Variants in MUC4 observed in about 807,000 individuals in gnomAD.
MUC4 encodes mucin-4.
A neutral mutation model predicts 257.9 loss-of-function variants in MUC4; 202 were observed. The observed-to-expected ratio is 0.78, with a 90% confidence interval of 0.70 to 0.88. The LOEUF (loss-of-function observed/expected upper bound fraction) is 0.88, where lower values mean the gene tolerates loss of function less well. Among genes scored for constraint, MUC4 ranks in the 40% least tolerant of loss-of-function variants. The pLI is 0.00. For missense variants in MUC4, 5,976 were observed against 6,513.7 expected (o/e 0.92, Z 2.84); for synonymous variants, 2,351 against 2,757.1 (o/e 0.85, Z 4.62).
At chr3:195,764,276 GGCAGGGCAGGGCGGTGTTGGTGGAGAGC>G in intron 10 of MUC4, 112 bp from the exon 11 acceptor site, 1 of 1,202,944 alleles carries the variant, frequency 8.3e-7, no homozygotes, top group Non-Finnish European at 1.2e-6. Context: ...TGGAGAGCTT[GGCAGGGCAGGGCGGTGTTGGTGGAGAGC>G]TTGGCAGGGC....
Position 195,782,630 on chromosome 3 carries a change from A to C in MUC4, c.8950T>G (p.Ser2984Ala). 1 of 907,764 alleles carries C rather than the reference A, an allele frequency of 1.1e-6. No homozygotes were observed. The highest frequency in any genetic ancestry group is 4.5e-5 in the East Asian group (1 of 22,020). 56.2% of individuals were successfully genotyped at this position (907,764 alleles called of 1,614,324 possible). A position where few individuals can be genotyped will look rare whatever the true frequency, so the allele number is the denominator to read the frequency against. ...ATPLPDTDTS[S>A]ASTGHATLLP... ...AGGGTGGCGTGACCTGTGGATGCTG[A>C]GGAAGTGTCGGTGTCAGGAAGAGGG... Residue 2984 changes from serine to alanine, a missense_variant, in exon 2 of 25, where the codon TCA (serine) becomes GCA (alanine). By Grantham distance (99) the Ser-to-Ala change is moderately conservative (BLOSUM62 1). Coordinates refer to ENST00000463781, the MANE Select transcript of MUC4 (RefSeq NM_018406.7).
intron 1 of MUC4, among the ~76,000 whole-genome samples, chr3:195,800,553 C>T (rs1024048404): frequency 6.6e-6 from 1 of 152,146 alleles, no homozygotes; most frequent in Non-Finnish European, 1.5e-5. Context: ...CTTTCACCAT[C>T]ATTTAAACAA....
Position 195,811,909 on chromosome 3 carries a change from C to T in MUC4, c.-92G>A, listed in dbSNP as rs976742288. 63 of 1,294,766 alleles carry T rather than the reference C, an allele frequency of 4.9e-5. No individual in the cohort carries two copies. In the African/African-American group the frequency reaches 5.4e-4, roughly 11 times the overall value. The allele number at this position is 1,294,766 out of a possible 1,614,324, so 80.2% of individuals were successfully genotyped here. On this transcript the variant is annotated 5_prime_UTR_variant, in exon 1 of 25. Coordinates refer to ENST00000463781, the MANE Select transcript of MUC4 (RefSeq NM_018406.7). ...GCAGACGTGAGCCCGTCCCCTCAGG[C>T]GGCTGGCCCGAACCAAGTGCGTTTC...
rs2432527 is a variant in MUC4 at position 195,779,166 on chromosome 3, G to C, written c.12414C>G (p.Ser4138=). 1 of 1,000,564 alleles carries C rather than the reference G, an allele frequency of 1.0e-6. No homozygotes were observed. The highest frequency in any genetic ancestry group is 1.3e-6 in the Non-Finnish European group (1 of 782,256). 62.0% of individuals were successfully genotyped at this position (1,000,564 alleles called of 1,614,324 possible). A position where few individuals can be genotyped will look rare whatever the true frequency, so the allele number is the denominator to read the frequency against. ...PLPVTSLSSV[S]TGDTTPLPVT... is the part of the protein sequence containing the mutation. ...CAGGAAGAGGCGTGGTGTCACCTGT[G>C]GATACTGAGGAAAGGCTGGTGACAG... Residue 4138 remains serine (S), a synonymous_variant, in exon 2 of 25, where the codon TCC becomes TCG. Coordinates refer to ENST00000463781, the MANE Select transcript of MUC4 (RefSeq NM_018406.7).
At chr3:195,811,145 ATATTTATTTATT>A (rs71885309) in intron 1 of MUC4, among the ~76,000 whole-genome samples, 85,965 of 135,996 alleles carry the variant, frequency 0.63, 26,916 homozygotes, top group East Asian at 0.73. Context: ...ATTTTATTTT[ATATTTATTTATT>A]TATTTATTTA....
In MUC4 at chr3:195,782,771, C is replaced by T. The variant is rs753261921; in HGVS notation, c.8809G>A (p.Val2937Ile). The T allele has an allele frequency of 2.0e-6, 3 of 1,504,124 alleles. No individual in the cohort carries two copies. The highest frequency in any genetic ancestry group is 1.3e-5 in the South Asian group (1 of 79,498). The allele number at this position is 1,504,124 out of a possible 1,614,324, so 93.2% of individuals were successfully genotyped here. A position where few individuals can be genotyped will look rare whatever the true frequency, so the allele number is the denominator to read the frequency against. ...AGAGGGGTGGTGTCACCTGTGGATA[C>T]TGAGGAAAGGCTGGTGACAGGAAGA... The part of the protein sequence containing the change: ...TPLPVTSLSS[V>I]STGDTTPLPV... The change falls in exon 2 of 25, where the codon GTA (valine) becomes ATA (isoleucine). Residue 2937 changes from valine to isoleucine, a missense_variant. Around this residue, in one of 44 missense-constraint regions of MUC4, gnomAD observed 228 missense variants for 206.3 expected, o/e 1.11. Transcript: ENST00000463781.
intron 3 of MUC4, among the ~76,000 whole-genome samples, chr3:195,774,946 GAGTAACTGCAA>G (rs1393776603): frequency 6.7e-6 from 1 of 148,936 alleles, no homozygotes; most frequent in Non-Finnish European, 1.5e-5. Context: ...CAATGAAGAT[GAGTAACTGCAA>G]AGCCCTTTTC....
intron 1 of MUC4, among the ~76,000 whole-genome samples, chr3:195,795,873 G>T (rs1010114666): frequency 6.8e-6 from 1 of 146,424 alleles, no homozygotes; most frequent in African/African-American, 2.6e-5. Context: ...GAGAGAGAGA[G>T]ACAGAAAAGA....
At chr3:195,809,814 G>C (rs1470702695) in intron 1 of MUC4, 5 of 152,344 alleles carry the variant, frequency 3.3e-5, no homozygotes, top group Non-Finnish European at 7.3e-5. Flanking sequence ...AAGAACTTGG[G>C]CGTCAGGAGG....
chr3:195,779,037 G>T lies in MUC4; in HGVS notation c.12543C>A (p.Ser4181Arg). The change falls in exon 2 of 25, where the codon AGC (serine) becomes AGA (arginine). Residue 4181 changes from serine (S) to arginine (R), a missense_variant. This residue lies in a region of MUC4 where 293 missense variants were observed against 294.5 expected (regional missense o/e 1.00). Coordinates refer to ENST00000463781, the MANE Select transcript of MUC4 (RefSeq NM_018406.7). ...TGTCACCTGTGGATGCTGAGGAAGT[G>T]CTGGTGACAGGAAGAGGGGTGCCGT... ...TGHGTPLPVT[S>R]TSSASTGDTT... The T allele has an allele frequency of 7.6e-7, 1 of 1,320,554 alleles. No individual in the cohort carries two copies. The highest frequency in any genetic ancestry group is 1.0e-6 in the Non-Finnish European group (1 of 1,002,596). The allele number at this position is 1,320,554 out of a possible 1,614,324, so 81.8% of individuals were successfully genotyped here.
rs541081903 is a variant in MUC4, at chr3:195,786,287, C to A, written c.5293G>T (p.Asp1765Tyr). Residue 1765 changes from aspartate (D) to tyrosine (Y), a missense_variant, in exon 2 of 25, where the codon GAC becomes TAC. Asp to Tyr is a radical substitution (Grantham distance 160). Coordinates refer to ENST00000463781, the MANE Select transcript of MUC4 (RefSeq NM_018406.7). Reference protein sequence around the residue: ...TGQATPLPVTDTSSVSTAHAT... With the variant: ...TGQATPLPVTYTSSVSTAHAT... ...TGAGCTGTGGATACTGAGGAAGTGT[C>A]GGTGACAGGAAGAGGGGTGGCCTGA... The A allele has an allele frequency of 1.3e-3, 1,933 of 1,497,852 alleles. 37 individuals carry two copies. In the South Asian group the frequency reaches 0.017, roughly 13 times the overall value. 92.8% of individuals were successfully genotyped at this position (1,497,852 alleles called of 1,614,324 possible).
intron 16 of MUC4, among the ~76,000 whole-genome samples, chr3:195,759,774 T>C: frequency 6.6e-6 from 1 of 151,892 alleles, no homozygotes; most frequent in East Asian, 1.9e-4. Flanking sequence ...ACAAAATTAG[T>C]CAGGCATGGT....
At position 195,786,548 on chromosome 3, in the gene MUC4, C is replaced by CATGACCT. The variant is rs1732047346; in HGVS notation, c.5031_5032insAGGTCAT (p.Ala1678ArgfsTer18). On this transcript the variant is annotated frameshift_variant, in exon 2 of 25. Transcript: ENST00000463781. LOFTEE classifies it high-confidence loss of function. ...AGGCCGGTGACAGGAAGAGGGGTGGCGTGACCGGTGGATGCTGAGGAAGTG... is the reference window on the plus strand; with the variant it reads ...AGGCCGGTGACAGGAAGAGGGGTGGCATGACCTGTGACCGGTGGATGCTGAGGAAGTG... The CATGACCT allele has an allele frequency of 6.7e-7, 1 of 1,502,804 alleles. No individual in the cohort carries two copies. Among genetic ancestry groups the CATGACCT allele is most frequent in the East Asian group, 2.6e-5 (1 of 38,510 alleles). The allele number at this position is 1,502,804 out of a possible 1,614,324, so 93.1% of individuals were successfully genotyped here. A position where few individuals can be genotyped will look rare whatever the true frequency, so the allele number is the denominator to read the frequency against.
Position 195,757,026 on chromosome 3 carries a change from CACT to C in MUC4, c.15168+118_15168+120del. 9.9e-7 allele frequency: 1 copy of C among 1,014,658 alleles called. No individual in the cohort carries two copies. Among genetic ancestry groups the C allele is most frequent in the East Asian group, 2.5e-5 (1 of 40,538 alleles). 62.9% of individuals were successfully genotyped at this position (1,014,658 alleles called of 1,614,324 possible). ...ACTGGAATCTGCTCTACTCACCTAC[CACT>C]GCTCCACCCATCTCCCAACACAGAC... On this transcript the variant is annotated intron_variant, in intron 18 of 24. Coordinates refer to ENST00000463781, the MANE Select transcript of MUC4 (RefSeq NM_018406.7). This position sits in a 1 kb window ranked among gnomAD's most constrained non-coding sequence, Gnocchi z 4.8.
At position 195,791,459 on chromosome 3, in the gene MUC4, C is replaced by G. The variant is rs3107764; in HGVS notation, c.121G>C (p.Ala41Pro). 0.6 allele frequency: 960,987 copies of G among 1,613,144 alleles called. 293,557 individuals are homozygous for G. The highest frequency in any genetic ancestry group is 0.72 in the East Asian group (32,190 of 44,858). Residue 41 changes from alanine (A) to proline (P), a missense_variant, in exon 2 of 25, where the codon GCT becomes CCT. By Grantham distance (27) the Ala-to-Pro change is conservative. This residue lies in a region of MUC4 where 1,583 missense variants were observed against 1,257.4 expected (regional missense o/e 1.26). Coordinates refer to ENST00000463781, the MANE Select transcript of MUC4 (RefSeq NM_018406.7). The part of the protein sequence containing the change: ...EDTLITGSKT[A>P]APVTSTGSTT... The stretch of plus-strand genomic sequence containing the variant: ...GAGCCTGTTGAGGTGACTGGGGCAG[C>G]AGTTTTACTTCCAGTTATTAATGTG...
chr3:195,753,122 G>A lies in MUC4; in HGVS notation c.15437C>T (p.Thr5146Ile). Residue 5146 changes from threonine (T) to isoleucine (I), a missense_variant, in exon 20 of 25, where the codon ACC (threonine) becomes ATC (isoleucine). Coordinates refer to ENST00000463781, the MANE Select transcript of MUC4 (RefSeq NM_018406.7). The part of the protein sequence containing the change: ...SQTLGCQPMC[T>I]CPPAFTDSRC... ...GCTGTCAGTGAAGGCTGGGGGGCAG[G>A]TGCACATGGGCTGACAGCCCAGAGT... 3.1e-6 allele frequency: 5 copies of A among 1,613,008 alleles called. No individual in the cohort carries two copies. The highest frequency in any genetic ancestry group is 3.3e-4 in the Middle Eastern group (2 of 6,038).
chr3:195,786,010 A>G lies in MUC4; in HGVS notation c.5570T>C (p.Leu1857Pro). The G allele has an allele frequency of 3.3e-6, 5 of 1,520,544 alleles. No homozygotes were observed. The highest frequency in any genetic ancestry group is 4.4e-6 in the Non-Finnish European group (5 of 1,130,382). 94.2% of individuals were successfully genotyped at this position (1,520,544 alleles called of 1,614,324 possible). Reference protein sequence around the residue: ...SSASSGHTTSLPVTDASSVST... With the variant: ...SSASSGHTTSPPVTDASSVST... ...CACTGAGGAAGCGTCGGTGACAGGA[A>G]GAGAGGTGGTGTGACCTGAAGATGC... The change falls in exon 2 of 25, where the codon CTT (leucine) becomes CCT (proline). Residue 1857 changes from leucine (L) to proline (P), a missense_variant. This residue lies in a region of MUC4 where 31 missense variants were observed against 71.1 expected (regional missense o/e 0.44). Coordinates refer to ENST00000463781, the MANE Select transcript of MUC4 (RefSeq NM_018406.7).
rs139395674 is a variant in MUC4, at chr3:195,783,111, G to C, written c.8469C>G (p.Ser2823=). Reference sequence around the variant, plus strand: ...AGGTGGCATGACCTGTGAACACTGAGGAAGCGTCGGTGACAGGAAGAGAGG... The same window carrying C: ...AGGTGGCATGACCTGTGAACACTGACGAAGCGTCGGTGACAGGAAGAGAGG... ...HATSLPVTDA[S]SVFTGHATSL... Residue 2823 remains serine, a synonymous_variant, in exon 2 of 25, where the codon TCC becomes TCG. Coordinates refer to ENST00000463781, the MANE Select transcript of MUC4 (RefSeq NM_018406.7). 1.5e-3 allele frequency: 1,811 copies of C among 1,232,884 alleles called. 499 individuals carry two copies. The highest frequency in any genetic ancestry group is 7.5e-3 in the African/African-American group (405 of 54,196). 76.4% of individuals were successfully genotyped at this position (1,232,884 alleles called of 1,614,324 possible).
intron 17 of MUC4, among the ~76,000 whole-genome samples, chr3:195,758,626 G>C (rs995931112): frequency 2.8e-5 from 4 of 144,386 alleles, no homozygotes; most frequent in African/African-American, 7.8e-5. Flanking sequence ...GCAGTGACGC[G>C]ATCTCAGCTC....
Sources: allele counts gnomAD v4.1 joint callset (sites outside exome capture counted in the v4.1 genomes callset), GRCh38; gene constraint gnomAD v4.1.1; regional missense constraint gnomAD v4.1.1; non-coding constraint Gnocchi (gnomAD v3.1); transcripts MANE v1.5; gene names NCBI Gene and HGNC (gene_info 2026-07-23, HGNC 2026-07-21).